KCNH8: variants seen among roughly 807,000 people sequenced by gnomAD.
KCNH8 encodes the protein potassium voltage-gated channel subfamily H member 8.
A neutral mutation model predicts 103.6 loss-of-function variants in KCNH8; 70 were observed. The observed-to-expected ratio is 0.68, with a 90% CI of 0.56 to 0.82. The LOEUF is 0.82. Ranked by LOEUF, KCNH8 falls within the 40% of genes least tolerant of loss-of-function variation. The pLI, the probability that KCNH8 is intolerant of heterozygous loss-of-function variation, is 0.00. For missense variants in KCNH8, 1,217 were observed against 1,329.9 expected, an observed-to-expected ratio of 0.92 and a Z score of 1.32; for synonymous variants, 498 against 489.4, an observed-to-expected ratio of 1.02 and a Z score of -0.23.
chr3:19,280,962 A>G (rs769245641), intron 2 of KCNH8, among the ~76,000 whole-genome samples: 5 of 152,092 alleles, frequency 3.3e-5, no homozygotes, highest in Non-Finnish European at 7.4e-5. Context: ...CAGCACAGAC[A>G]AGTGTTTTTG....
At chr3:19,483,660 G>A (rs1388361066) in intron 11 of KCNH8, among the ~76,000 whole-genome samples, 2 of 152,132 alleles carry the variant, frequency 1.3e-5, no homozygotes, top group African/African-American at 4.8e-5. Flanking sequence ...TCTGGTACTG[G>A]CACATTTAGT....
At chr3:19,177,494 C>T (rs1232271340) in intron 1 of KCNH8, among the ~76,000 whole-genome samples, 1 of 147,390 alleles carries the variant, frequency 6.8e-6, no homozygotes, top group Admixed American at 6.7e-5. Context: ...ACAGCAGCCT[C>T]CCCCATTCTG....
At position 19,387,496 on chromosome 3, in the gene KCNH8, T is replaced by C. The variant is rs540657906; in HGVS notation, c.812-2985T>C. Among the ~76,000 whole-genome samples the C allele has an allele frequency of 2.0e-5, 3 of 152,198 alleles. No individual in the cohort carries two copies. The South Asian group carries it at 6.2e-4, about 32-fold the overall frequency. Reference sequence around the variant, plus strand: ...CATGGGAAATATTCAAATCAATGAGTGTGAAAAAGTGTTTCGTAAATATAC... The same window carrying C: ...CATGGGAAATATTCAAATCAATGAGCGTGAAAAAGTGTTTCGTAAATATAC... On this transcript the variant is annotated intron_variant, in intron 5 of 15. Coordinates refer to ENST00000328405, the MANE Select transcript of KCNH8 (RefSeq NM_144633.3).
At chr3:19,273,776 A>G (rs2064623573) in intron 2 of KCNH8, among the ~76,000 whole-genome samples, 1 of 152,204 alleles carries the variant, frequency 6.6e-6, no homozygotes, top group South Asian at 2.1e-4. Flanking sequence ...GACTGGCAGC[A>G]GCACCAGTGG....
At chr3:19,369,900 T>C (rs2066064337) in intron 5 of KCNH8, among the ~76,000 whole-genome samples, 1 of 152,050 alleles carries the variant, frequency 6.6e-6, no homozygotes, top group Admixed American at 6.6e-5. Context: ...TCTAGACTAC[T>C]ACAATCCTTG....
At chr3:19,463,746 C>T (rs888807138) in intron 11 of KCNH8, among the ~76,000 whole-genome samples, 9 of 151,796 alleles carry the variant, frequency 5.9e-5, no homozygotes, top group Non-Finnish European at 1.0e-4. Flanking sequence ...AAAGTGTATC[C>T]AAAAATTTTA....
At chr3:19,201,130 G>T (rs1375154988) in intron 1 of KCNH8, among the ~76,000 whole-genome samples, 1 of 145,012 alleles carries the variant, frequency 6.9e-6, no homozygotes, top group African/African-American at 2.5e-5. Flanking sequence ...TACTAGGAAG[G>T]CTGAGGCATG....
intron 11 of KCNH8, among the ~76,000 whole-genome samples, chr3:19,497,888 T>A (rs901436649): frequency 2.0e-5 from 3 of 152,146 alleles, no homozygotes; most frequent in Non-Finnish European, 4.4e-5. Flanking sequence ...TCTGTGTAGG[T>A]CTCCAAAAAC....
At chr3:19,179,722 G>A (rs2063433146) in intron 1 of KCNH8, among the ~76,000 whole-genome samples, 1 of 152,100 alleles carries the variant, frequency 6.6e-6, no homozygotes, top group Non-Finnish European at 1.5e-5. Flanking sequence ...GGATATTAAT[G>A]CTTGTTGAAA....
At chr3:19,490,561 C>A (rs188376703) in intron 11 of KCNH8, among the ~76,000 whole-genome samples, 7 of 152,132 alleles carry the variant, frequency 4.6e-5, no homozygotes, top group Admixed American at 1.3e-4. Context: ...GGTCAGGGGT[C>A]GATCTTTAAC....
intron 1 of KCNH8, among the ~76,000 whole-genome samples, chr3:19,236,664 G>A (rs976199062): frequency 2.0e-5 from 3 of 152,078 alleles, no homozygotes; most frequent in African/African-American, 7.2e-5. Flanking sequence ...ATGAAACAAA[G>A]CATAAAATTA....
chr3:19,520,989 C>A (rs1020606717), intron 15 of KCNH8, among the ~76,000 whole-genome samples: 4 of 151,992 alleles, frequency 2.6e-5, no homozygotes, highest in Non-Finnish European at 5.9e-5. Context: ...TGTGGGGCAG[C>A]TGCTAATATT....
chr3:19,438,411 A>C, intron 8 of KCNH8, 50 bp downstream of exon 8: 2 of 1,437,876 alleles, frequency 1.4e-6, no homozygotes, highest in Non-Finnish European at 1.9e-6. Flanking sequence ...TGCCTACCTA[A>C]CTGTCACTGC....
At chr3:19,155,911 T>C (rs1277465430) in intron 1 of KCNH8, among the ~76,000 whole-genome samples, 1 of 152,212 alleles carries the variant, frequency 6.6e-6, no homozygotes, top group African/African-American at 2.4e-5. Context: ...ATTACTCCCA[T>C]TGCTTAGACT....
In KCNH8 at chr3:19,399,785, T is replaced by C. The variant is rs191369698; in HGVS notation, c.1177+4474T>C. ...ATGTAGAACTGAAATAGCAATACTCTTAAAGTCTAGTGAAGAGGTGATATT... is the reference window on the plus strand; with the variant it reads ...ATGTAGAACTGAAATAGCAATACTCCTAAAGTCTAGTGAAGAGGTGATATT... On this transcript the variant is annotated intron_variant, in intron 7 of 15. Coordinates refer to ENST00000328405, the MANE Select transcript of KCNH8 (RefSeq NM_144633.3). 1.1e-3 allele frequency among the ~76,000 whole-genome samples: 170 copies of C among 152,054 alleles called. 1 individual carries two copies. The highest frequency in any genetic ancestry group is 0.01 in the Middle Eastern group (3 of 294).
chr3:19,534,107 G>T lies in KCNH8; in HGVS notation c.*8G>T, dbSNP rs748559360. Reference sequence around the variant, plus strand: ...AAAGCCATAAATGTATGATATTAGTGCCCATGATGCAGCAGCTAATTTCAA... The same window carrying T: ...AAAGCCATAAATGTATGATATTAGTTCCCATGATGCAGCAGCTAATTTCAA... On this transcript the variant is annotated 3_prime_UTR_variant, in exon 16 of 16. Coordinates refer to ENST00000328405, the MANE Select transcript of KCNH8 (RefSeq NM_144633.3). 5 of 1,591,452 alleles carry T rather than the reference G, an allele frequency of 3.1e-6. No homozygotes were observed. The highest frequency in any genetic ancestry group is 4.3e-6 in the Non-Finnish European group (5 of 1,161,670).
intron 8 of KCNH8, 31 bp from the exon 9 acceptor site, chr3:19,450,075 C>T: frequency 1.9e-6 from 3 of 1,584,578 alleles, no homozygotes; most frequent in Non-Finnish European, 2.6e-6. Context: ...TCACATTTCT[C>T]TTCCATTATA....
At chr3:19,385,869 A>G (rs1044627624) in intron 5 of KCNH8, among the ~76,000 whole-genome samples, 2 of 152,198 alleles carry the variant, frequency 1.3e-5, no homozygotes, top group African/African-American at 4.8e-5. Context: ...ACTGTACTAC[A>G]TTGATTACTT....
intron 6 of KCNH8, among the ~76,000 whole-genome samples, chr3:19,392,945 T>C (rs1232679619): frequency 6.6e-6 from 1 of 152,028 alleles, no homozygotes; most frequent in Non-Finnish European, 1.5e-5. Flanking sequence ...TTGACCAGAC[T>C]GAAAATGCAA....
Sources: gnomAD v4.1 joint callset for allele counts (sites outside exome capture counted in the v4.1 genomes callset) on GRCh38, gnomAD v4.1.1 for gene constraint, MANE v1.5 for transcripts, NCBI Gene and HGNC (gene_info 2026-07-23, HGNC 2026-07-21) for gene names.